The following ABL2 variants were observed in gnomAD, a reference collection of about 807,000 sequenced individuals.
ABL2 encodes the protein ABL proto-oncogene 2, non-receptor tyrosine kinase.
A neutral mutation model predicts 107.7 loss-of-function variants in ABL2; 49 were observed. The observed-to-expected ratio is 0.45, with a 90% CI of 0.36 to 0.58. The LOEUF (loss-of-function observed/expected upper bound fraction) is 0.58. Among genes scored for constraint, ABL2 ranks in the 20% least tolerant of loss-of-function variants. The pLI is 0.00. For synonymous variants in ABL2, 549 were observed against 548.6 expected (o/e 1.00, Z -0.01); for missense variants, 1,245 against 1,457.0 (o/e 0.85, Z 2.37).
At chr1:179,112,140 T>C (rs540330137) in intron 10 of ABL2, among the ~76,000 whole-genome samples, 169 bp downstream of exon 10, 8 of 152,238 alleles carry the variant, frequency 5.3e-5, no homozygotes, top group Non-Finnish European at 1.2e-4. Flanking sequence ...TTGTTCATAA[T>C]TTCTCACTAT....
intron 1 of ABL2, among the ~76,000 whole-genome samples, chr1:179,176,446 T>A (rs1211311887): frequency 6.6e-6 from 1 of 152,132 alleles, no homozygotes; most frequent in Admixed American, 6.6e-5. Flanking sequence ...TGTATTAAAA[T>A]ATCCTATATA....
At chr1:179,182,225 A>G (rs1660420405) in intron 1 of ABL2, among the ~76,000 whole-genome samples, 1 of 152,108 alleles carries the variant, frequency 6.6e-6, no homozygotes, top group African/African-American at 2.4e-5. Context: ...CTCACTTTGC[A>G]GAACCACAAG....
At chr1:179,155,768 C>T (rs1022032687) in intron 1 of ABL2, among the ~76,000 whole-genome samples, 2 of 151,514 alleles carry the variant, frequency 1.3e-5, no homozygotes, top group Non-Finnish European at 2.9e-5. Flanking sequence ...CAGCTCATGC[C>T]AGAACTTAGA....
chr1:179,174,929 T>C (rs866331192), intron 1 of ABL2, among the ~76,000 whole-genome samples: 1 of 146,110 alleles, frequency 6.8e-6, no homozygotes, highest in Non-Finnish European at 1.5e-5. Context: ...AAAATAATAA[T>C]AATAATAATA....
rs1305615768 is a variant in ABL2 at position 179,105,167 on chromosome 1, G to C, written c.*2551C>G. The stretch of plus-strand genomic sequence containing the variant: ...GCACCCACTGTAGGCAAGACAGCTA[G>C]GTGCTGCCCCTGAGTAAGACACAGC... On this transcript the variant is annotated 3_prime_UTR_variant, in exon 12 of 12. Transcript: ENST00000502732. 2.2e-5 allele frequency: 5 copies of C among 230,538 alleles called. No individual in the cohort carries two copies. The highest frequency in any genetic ancestry group is 1.8e-4 in the East Asian group (3 of 16,286). 14.3% of individuals were successfully genotyped at this position (230,538 alleles called of 1,614,324 possible). A position where few individuals can be genotyped will look rare whatever the true frequency, so the allele number is the denominator to read the frequency against.
intron 1 of ABL2, among the ~76,000 whole-genome samples, chr1:179,145,895 A>ATTT (rs11379606): frequency 4.3e-4 from 61 of 142,292 alleles, no homozygotes; most frequent in Middle Eastern, 3.8e-3. Flanking sequence ...TCTGATCTCC[A>ATTT]TTTTTTTTTT....
intron 1 of ABL2, among the ~76,000 whole-genome samples, chr1:179,228,702 G>A (rs548658179): frequency 3.9e-5 from 6 of 152,242 alleles, no homozygotes; most frequent in Admixed American, 1.3e-4. Flanking sequence ...ATAAGATGAT[G>A]CTAACTTCAT....
chr1:179,149,884 C>A (rs1354061389), intron 1 of ABL2, among the ~76,000 whole-genome samples: 1 of 152,186 alleles, frequency 6.6e-6, no homozygotes, highest in East Asian at 1.9e-4. Context: ...GTGAACACAA[C>A]ATCCATTCTG....
intron 1 of ABL2, among the ~76,000 whole-genome samples, chr1:179,193,141 C>G (rs553122445): frequency 6.6e-6 from 1 of 150,890 alleles, no homozygotes; most frequent in African/African-American, 2.4e-5. Context: ...AAGGGCACAA[C>G]TTGCAAAAAA....
In ABL2 at chr1:179,104,184, T is replaced by C. The variant is rs1653326077; in HGVS notation, c.*3534A>G. The C allele has an allele frequency of 4.3e-6, 1 of 231,390 alleles. No individual in the cohort carries two copies. Among genetic ancestry groups the C allele is most frequent in the South Asian group, 1.8e-4 (1 of 5,520 alleles). 14.3% of individuals were successfully genotyped at this position (231,390 alleles called of 1,614,324 possible). On this transcript the variant is annotated 3_prime_UTR_variant, in exon 12 of 12. Coordinates refer to ENST00000502732, the MANE Select transcript of ABL2 (RefSeq NM_007314.4). The stretch of plus-strand genomic sequence containing the variant: ...ACTTGAGCTAAGTATCTTACAAATA[T>C]CATCTCATTTAATCCTTACAACAAC...
At chr1:179,125,204 T>A (rs763261098) in intron 4 of ABL2, among the ~76,000 whole-genome samples, 1 of 152,204 alleles carries the variant, frequency 6.6e-6, no homozygotes, top group Non-Finnish European at 1.5e-5. Context: ...AACAAATGGG[T>A]GTGGCTGTAT....
intron 1 of ABL2, among the ~76,000 whole-genome samples, chr1:179,138,882 G>C (rs532106465): frequency 6.8e-4 from 104 of 152,340 alleles, no homozygotes; most frequent in Admixed American, 1.8e-3. Flanking sequence ...CCGCGCTTGC[G>C]GGCCAGCTGG....
chr1:179,108,015 G>A lies in ABL2; in HGVS notation c.3252C>T (p.Ile1084=), dbSNP rs557512056. The change falls in exon 12 of 12, where the codon ATC becomes ATT. Residue 1084 remains isoleucine, a synonymous_variant. Coordinates refer to ENST00000502732, the MANE Select transcript of ABL2 (RefSeq NM_007314.4). ...CACATTCCAGCAGGGCCTCTTTGCTGATTTTGTCTGCTGAGATTTTCTCAG... is the reference window on the plus strand; with the variant it reads ...CACATTCCAGCAGGGCCTCTTTGCTAATTTTGTCTGCTGAGATTTTCTCAG... The part of the protein sequence containing the change: ...QAAEKISADK[I]SKEALLECAD... 1.5e-5 allele frequency: 25 copies of A among 1,614,086 alleles called. No homozygotes were observed. The highest frequency in any genetic ancestry group is 2.0e-5 in the Non-Finnish European group (24 of 1,180,046).
intron 1 of ABL2, among the ~76,000 whole-genome samples, chr1:179,145,149 C>A (rs1317256739): frequency 6.6e-6 from 1 of 152,062 alleles, no homozygotes; most frequent in East Asian, 1.9e-4. Flanking sequence ...ATAAGCCAGA[C>A]ACATCAAGGC....
intron 1 of ABL2, among the ~76,000 whole-genome samples, chr1:179,227,075 T>C (rs917156980): frequency 3.3e-5 from 5 of 152,214 alleles, no homozygotes; most frequent in African/African-American, 1.2e-4. Flanking sequence ...AGGTAAAGAC[T>C]AGCCAATCAG....
At chr1:179,133,437 G>A in intron 1 of ABL2, 63 bp from the exon 2 acceptor site, 2 of 1,612,914 alleles carry the variant, frequency 1.2e-6, no homozygotes, top group Non-Finnish European at 1.7e-6. Context: ...TTAACATCAA[G>A]CTAAAGTCTC....
chr1:179,227,030 C>T (rs1663256536), intron 1 of ABL2, among the ~76,000 whole-genome samples: 1 of 152,172 alleles, frequency 6.6e-6, no homozygotes, highest in African/African-American at 2.4e-5. Context: ...ATTACTCCTC[C>T]CATTTCCACT....
intron 1 of ABL2, among the ~76,000 whole-genome samples, chr1:179,166,407 A>G (rs1206044308): frequency 2.6e-5 from 4 of 151,972 alleles, no homozygotes; most frequent in Admixed American, 6.5e-5. Flanking sequence ...AAAAAAAAAA[A>G]AAAAGAAAAT....
At chr1:179,193,493 C>T (rs960182241) in intron 1 of ABL2, among the ~76,000 whole-genome samples, 1 of 149,416 alleles carries the variant, frequency 6.7e-6, no homozygotes, top group East Asian at 2.0e-4. Flanking sequence ...CAACCTCTGC[C>T]TCCTGGGTTC....
Sources: gnomAD v4.1 joint callset for allele counts (sites outside exome capture counted in the v4.1 genomes callset) on GRCh38, gnomAD v4.1.1 for gene constraint, MANE v1.5 for transcripts, NCBI Gene and HGNC (gene_info 2026-07-23, HGNC 2026-07-21) for gene names.